Variants in PTPRD observed in about 807,000 individuals in gnomAD.
PTPRD encodes protein tyrosine phosphatase receptor type D.
PTPRD carries 34 observed loss-of-function variants against 214.5 expected under a neutral mutation model. The ratio of observed to expected loss-of-function variants is 0.16; its 90% confidence interval spans 0.12 to 0.21. The LOEUF (loss-of-function observed/expected upper bound fraction) is 0.21, where lower values mean the gene tolerates loss of function less well. Among genes scored for constraint, PTPRD ranks in the 10% least tolerant of loss-of-function variants. The pLI, the probability that PTPRD is intolerant of heterozygous loss-of-function variation, is 1.00. For missense variants in PTPRD, 2,545 were observed against 2,398.7 expected (o/e 1.06, Z -1.27); for synonymous variants, 1,128 against 845.7 (o/e 1.33, Z -5.79).
chr9:9,181,092 A>G (rs1226151209), intron 10 of PTPRD, among the ~76,000 whole-genome samples: 1 of 152,096 alleles, frequency 6.6e-6, no homozygotes, highest in Non-Finnish European at 1.5e-5. Context: ...TTTAGCTGTG[A>G]GAGACCTTTG....
At chr9:10,243,330 T>A in intron 3 of PTPRD, among the ~76,000 whole-genome samples, 1 of 132,846 alleles carries the variant, frequency 7.5e-6, no homozygotes, top group South Asian at 2.6e-4. Context: ...TTTAATTTTC[T>A]TTTCATATTA....
intron 9 of PTPRD, among the ~76,000 whole-genome samples, chr9:9,395,153 C>G (rs535091434): frequency 6.6e-6 from 1 of 151,400 alleles, no homozygotes; most frequent in Non-Finnish European, 1.5e-5. Flanking sequence ...GATGACTACT[C>G]CCAGTTGATG....
At chr9:8,474,833 T>C (rs916543896) in intron 30 of PTPRD, among the ~76,000 whole-genome samples, 5 of 152,076 alleles carry the variant, frequency 3.3e-5, no homozygotes, top group Non-Finnish European at 5.9e-5. Context: ...CATTTTCTTT[T>C]GGTAAAGTAG....
intron 3 of PTPRD, among the ~76,000 whole-genome samples, chr9:10,334,031 C>A (rs1597359301): frequency 6.6e-6 from 1 of 151,590 alleles, no homozygotes; most frequent in South Asian, 2.1e-4. Context: ...AATTTCTAAA[C>A]AGGCAAGTAT....
chr9:8,499,510 C>A (rs935541548), intron 25 of PTPRD, 137 bp downstream of exon 25: 2 of 781,410 alleles, frequency 2.6e-6, no homozygotes, highest in East Asian at 2.7e-5. Flanking sequence ...GATCAATATA[C>A]ATCAATGTGA....
intron 2 of PTPRD, among the ~76,000 whole-genome samples, chr9:10,554,822 G>C (rs572749239): frequency 6.6e-6 from 1 of 151,798 alleles, no homozygotes; most frequent in Non-Finnish European, 1.5e-5. Context: ...CACCACGCCC[G>C]GCTAATTTTT....
intron 3 of PTPRD, among the ~76,000 whole-genome samples, chr9:10,267,974 AT>A (rs1020161149): frequency 5.3e-5 from 8 of 152,148 alleles, no homozygotes; most frequent in Admixed American, 2.6e-4. Flanking sequence ...TGCTAAAAAA[AT>A]ATGCTAAAAA....
chr9:8,592,194 A>G (rs1252598419), intron 14 of PTPRD, among the ~76,000 whole-genome samples: 1 of 152,168 alleles, frequency 6.6e-6, no homozygotes, highest in East Asian at 1.9e-4. Context: ...CTTTCAGCTA[A>G]ACTCAATGCC....
intron 9 of PTPRD, among the ~76,000 whole-genome samples, chr9:9,275,102 A>ATTAT (rs1356178509): frequency 6.6e-5 from 4 of 60,706 alleles, no homozygotes; most frequent in African/African-American, 1.3e-4. Flanking sequence ...TTATATATAT[A>ATTAT]ATATATTATA....
At chr9:8,416,476 G>T (rs2093946434) in intron 35 of PTPRD, among the ~76,000 whole-genome samples, 1 of 152,150 alleles carries the variant, frequency 6.6e-6, no homozygotes, top group African/African-American at 2.4e-5. Context: ...AAAAAAGAGA[G>T]TTGCAGAATA....
At chr9:9,176,302 C>G (rs1363474901) in intron 10 of PTPRD, among the ~76,000 whole-genome samples, 1 of 152,140 alleles carries the variant, frequency 6.6e-6, no homozygotes, top group Non-Finnish European at 1.5e-5. Context: ...TTTTCATGAA[C>G]ATAATCATTG....
chr9:9,258,632 C>G (rs1293032407), intron 9 of PTPRD, among the ~76,000 whole-genome samples: 1 of 151,814 alleles, frequency 6.6e-6, no homozygotes, highest in Non-Finnish European at 1.5e-5. Flanking sequence ...GTTTTTCTAA[C>G]TCACCTTTCT....
At chr9:8,791,407 G>A (rs1235779941) in intron 11 of PTPRD, among the ~76,000 whole-genome samples, 1 of 151,646 alleles carries the variant, frequency 6.6e-6, no homozygotes, top group Non-Finnish European at 1.5e-5. Context: ...TGTATTTTTA[G>A]TAGAGACATG....
chr9:9,882,410 G>C (rs977969750), intron 5 of PTPRD, among the ~76,000 whole-genome samples: 1 of 152,058 alleles, frequency 6.6e-6, no homozygotes, highest in Non-Finnish European at 1.5e-5. Context: ...GATCCAAATG[G>C]TGAAGTTGGT....
intron 7 of PTPRD, among the ~76,000 whole-genome samples, chr9:9,637,230 G>A (rs1379831077): frequency 2.0e-5 from 3 of 152,048 alleles, no homozygotes; most frequent in African/African-American, 7.2e-5. Context: ...CACCCTGATA[G>A]CCCCCAAAGT....
intron 9 of PTPRD, among the ~76,000 whole-genome samples, chr9:9,393,336 G>A (rs943261187): frequency 6.6e-6 from 1 of 152,080 alleles, no homozygotes; most frequent in South Asian, 2.1e-4. Context: ...ACTTGCAATG[G>A]GGATTCTCCT....
intron 5 of PTPRD, among the ~76,000 whole-genome samples, chr9:9,788,253 T>C (rs540095775): frequency 2.6e-5 from 4 of 151,752 alleles, no homozygotes; most frequent in African/African-American, 9.7e-5. Context: ...TGAAAAAAGA[T>C]ATAAAAATAG....
Position 9,725,587 on chromosome 9 carries a change from T to C in PTPRD, c.-287+8946A>G, listed in dbSNP as rs529322612. Among the ~76,000 whole-genome samples, 50 of 152,296 alleles carry C rather than the reference T, an allele frequency of 3.3e-4. No individual in the cohort carries two copies. In the South Asian group the frequency reaches 9.3e-3, roughly 28 times the overall value. On this transcript the variant is annotated intron_variant, in intron 7 of 45. Coordinates refer to ENST00000381196, the MANE Select transcript of PTPRD (RefSeq NM_002839.4). Reference sequence around the variant, plus strand: ...GGCTTGCTTAATAAGTTGGTTCTCCTTATCTCCATTCCATTTTTGTCTCAT... The same window carrying C: ...GGCTTGCTTAATAAGTTGGTTCTCCCTATCTCCATTCCATTTTTGTCTCAT...
intron 3 of PTPRD, among the ~76,000 whole-genome samples, chr9:10,117,419 A>G (rs2098739061): frequency 6.6e-6 from 1 of 152,100 alleles, no homozygotes; most frequent in South Asian, 2.1e-4. Flanking sequence ...AAAAACAAGA[A>G]AAATTTATTC....
Sources: gnomAD v4.1 joint callset for allele counts (sites outside exome capture counted in the v4.1 genomes callset) on GRCh38, gnomAD v4.1.1 for gene constraint, MANE v1.5 for transcripts, NCBI Gene and HGNC (gene_info 2026-07-23, HGNC 2026-07-21) for gene names.